The following MALRD1 variants were observed in gnomAD, a reference collection of about 807,000 sequenced individuals.
The protein encoded by MALRD1 is MAM and LDL-receptor class A domain-containing protein 1.
A neutral mutation model predicts 242.1 loss-of-function variants in MALRD1; 247 were observed. The observed-to-expected ratio is 1.02, with a 90% confidence interval of 0.92 to 1.13. The LOEUF (loss-of-function observed/expected upper bound fraction) is 1.13, where lower values mean the gene tolerates loss of function less well. Ranked by LOEUF, MALRD1 falls within the 50% of genes most tolerant of loss-of-function variation. The pLI, the probability that MALRD1 is intolerant of heterozygous loss-of-function variation, is 0.00. For missense variants in MALRD1, 2,989 were observed against 2,533.1 expected (o/e 1.18, Z -3.86); for synonymous variants, 995 against 866.6 (o/e 1.15, Z -2.60).
chr10:19,255,602 A>C (rs965599283), intron 18 of MALRD1, among the ~76,000 whole-genome samples: 19 of 152,092 alleles, frequency 1.2e-4, no homozygotes, highest in African/African-American at 3.9e-4. Flanking sequence ...GATTGAGACT[A>C]TCATACAAAT....
chr10:19,257,558 G>A (rs2131807541), intron 18 of MALRD1, 126 bp from the exon 19 acceptor site: 3 of 728,010 alleles, frequency 4.1e-6, no homozygotes, highest in Non-Finnish European at 2.1e-6. Context: ...CTGCAAAGCA[G>A]TTTTTTAATG....
chr10:19,636,274 C>T (rs1270756521), intron 36 of MALRD1, among the ~76,000 whole-genome samples: 1 of 152,044 alleles, frequency 6.6e-6, no homozygotes, highest in Non-Finnish European at 1.5e-5. Context: ...GAAATAAAGA[C>T]ATTGTCAGCC....
At chr10:19,356,131 T>C (rs1844627383) in intron 26 of MALRD1, among the ~76,000 whole-genome samples, 1 of 151,712 alleles carries the variant, frequency 6.6e-6, no homozygotes, top group East Asian at 1.9e-4. Flanking sequence ...CTACAGTAGT[T>C]ACAGGACATC....
intron 12 of MALRD1, 65 bp downstream of exon 12, chr10:19,155,237 T>A: frequency 1.1e-6 from 1 of 909,552 alleles, no homozygotes; most frequent in Non-Finnish European, 1.4e-6. Flanking sequence ...CTTGGGTTAC[T>A]CTGCTAGTAA....
At position 19,220,383 on chromosome 10, in the gene MALRD1, A is replaced by T. The variant is rs574392066; in HGVS notation, c.2991+10703A>T. Among the ~76,000 whole-genome samples the T allele has an allele frequency of 4.8e-4, 73 of 152,286 alleles. No individual in the cohort carries two copies. The Middle Eastern group carries it at 0.01, about 21-fold the overall frequency. On this transcript the variant is annotated intron_variant, in intron 18 of 39. Transcript: ENST00000454679. Reference sequence around the variant, plus strand: ...ACACTTTATTGCACTATTAAAGCAAAATTCTGACAATAACTTCTAAAAATG... The same window carrying T: ...ACACTTTATTGCACTATTAAAGCAATATTCTGACAATAACTTCTAAAAATG...
At chr10:19,073,956 T>A (rs1419306670) in intron 2 of MALRD1, among the ~76,000 whole-genome samples, 2 of 152,042 alleles carry the variant, frequency 1.3e-5, no homozygotes, top group African/African-American at 4.8e-5. Flanking sequence ...AGTATTTCAA[T>A]GGATGGAGAG....
At chr10:19,404,553 A>G (rs1401675097) in intron 28 of MALRD1, among the ~76,000 whole-genome samples, 1 of 152,102 alleles carries the variant, frequency 6.6e-6, no homozygotes, top group Non-Finnish European at 1.5e-5. Flanking sequence ...GCACTGTTAA[A>G]TATTTTAGAA....
At chr10:19,132,912 T>G (rs1564412856) in intron 8 of MALRD1, among the ~76,000 whole-genome samples, 1 of 151,972 alleles carries the variant, frequency 6.6e-6, no homozygotes, top group South Asian at 2.1e-4. Flanking sequence ...TAGACAAAAT[T>G]TTGAGTACCT....
chr10:19,371,861 C>G (rs937474118), intron 26 of MALRD1, among the ~76,000 whole-genome samples: 4 of 152,122 alleles, frequency 2.6e-5, no homozygotes, highest in East Asian at 1.9e-4. Context: ...GCTTTGTTTA[C>G]TACCTGGGTC....
At chr10:19,509,275 C>A (rs1833289041) in intron 31 of MALRD1, among the ~76,000 whole-genome samples, 1 of 152,110 alleles carries the variant, frequency 6.6e-6, no homozygotes, top group Non-Finnish European at 1.5e-5. Context: ...CGTTTATGAG[C>A]CAAAAACAAG....
intron 2 of MALRD1, among the ~76,000 whole-genome samples, chr10:19,080,732 T>C (rs1835461309): frequency 6.6e-6 from 1 of 151,816 alleles, no homozygotes; most frequent in Non-Finnish European, 1.5e-5. Context: ...ATGAAAGCAC[T>C]GAAAGCAATA....
intron 36 of MALRD1, among the ~76,000 whole-genome samples, chr10:19,680,328 T>G (rs1842313156): frequency 6.7e-6 from 1 of 148,900 alleles, no homozygotes; most frequent in South Asian, 2.1e-4. Flanking sequence ...GCTCCTGTAT[T>G]GGGTACATAT....
chr10:19,094,758 A>T (rs925977189), intron 4 of MALRD1, among the ~76,000 whole-genome samples: 3 of 152,230 alleles, frequency 2.0e-5, no homozygotes, highest in Non-Finnish European at 4.4e-5. Flanking sequence ...TGTCATATTC[A>T]TTTCATAGAT....
At chr10:19,366,054 C>T (rs1845094506) in intron 26 of MALRD1, among the ~76,000 whole-genome samples, 2 of 151,998 alleles carry the variant, frequency 1.3e-5, no homozygotes, top group African/African-American at 4.8e-5. Context: ...AATTTTTCCA[C>T]ATACTGGGGA....
At chr10:19,312,691 C>T (rs899818897) in intron 21 of MALRD1, among the ~76,000 whole-genome samples, 1 of 151,214 alleles carries the variant, frequency 6.6e-6, no homozygotes. Flanking sequence ...TCTGACATGC[C>T]TACCACCCCA....
At position 19,327,549 on chromosome 10, in the gene MALRD1, A is replaced by G. The variant is rs1243536556; in HGVS notation, c.3577-14A>G. 2.6e-6 allele frequency: 4 copies of G among 1,537,840 alleles called. No homozygotes were observed. Among genetic ancestry groups the G allele is most frequent in the African/African-American group, 1.4e-5 (1 of 72,796 alleles). On this transcript the variant is annotated splice_polypyrimidine_tract_variant and intron_variant, in intron 22 of 39. Coordinates refer to ENST00000454679, the MANE Select transcript of MALRD1 (RefSeq NM_001142308.3). ...AAAATACTTCAGTGCCTTTTACTTG[A>G]TTTATCTCTATAGGTGCTCATCAAG...
At chr10:19,712,573 T>C (rs1020526302) in intron 38 of MALRD1, among the ~76,000 whole-genome samples, 2 of 152,222 alleles carry the variant, frequency 1.3e-5, no homozygotes, top group Admixed American at 6.5e-5. Context: ...AGGAAGCTGC[T>C]AGGTGATTGC....
At chr10:19,222,084 C>A (rs1266438116) in intron 18 of MALRD1, among the ~76,000 whole-genome samples, 1 of 151,880 alleles carries the variant, frequency 6.6e-6, no homozygotes, top group African/African-American at 2.4e-5. Context: ...TTCCTTTATT[C>A]CTCCCTCCCT....
chr10:19,367,273 AC>A (rs1845148813), intron 26 of MALRD1, among the ~76,000 whole-genome samples: 1 of 151,618 alleles, frequency 6.6e-6, no homozygotes, highest in African/African-American at 2.4e-5. Flanking sequence ...TCTTCCTTCT[AC>A]CCTTCCAAGC....
Sources: gnomAD v4.1 joint callset for allele counts (sites outside exome capture counted in the v4.1 genomes callset) on GRCh38, gnomAD v4.1.1 for gene constraint, MANE v1.5 for transcripts, NCBI Gene and HGNC (gene_info 2026-07-23, HGNC 2026-07-21) for gene names.